The following WEE2 variants were observed in gnomAD, a reference collection of about 807,000 sequenced individuals.
The protein encoded by WEE2 is WEE2 oocyte meiosis inhibiting kinase, also known as wee1-like protein kinase 2.
A neutral mutation model predicts 60.1 loss-of-function variants in WEE2; 50 were observed. The ratio of observed to expected loss-of-function variants is 0.83; its 90% CI spans 0.66 to 1.05. The LOEUF is 1.05. Among genes scored for constraint, WEE2 ranks in the 50% least tolerant of loss-of-function variants. The pLI, the probability that WEE2 is intolerant of heterozygous loss-of-function variation, is 0.00. For synonymous variants in WEE2, 240 were observed against 241.0 expected (o/e 1.00, Z 0.04); for missense variants, 631 against 684.3 (o/e 0.92, Z 0.87).
Position 141,729,545 on chromosome 7 carries a change from C to T in WEE2, c.1550C>T (p.Ala517Val). 4 of 1,614,190 alleles carry T rather than the reference C, an allele frequency of 2.5e-6. No homozygotes were observed. The highest frequency in any genetic ancestry group is 3.4e-6 in the Non-Finnish European group (4 of 1,180,036). Reference protein sequence around the residue: ...TATLERELREAQQAQSPQGYT... With the variant: ...TATLERELREVQQAQSPQGYT... ...TCGCACTTCAGGGAACTGAGAGAAG[C>T]CCAGCAGGCCCAGTCACCCCAGGGA... The change falls in exon 11 of 12, where the codon GCC becomes GTC. Residue 517 changes from alanine to valine, a missense_variant. Coordinates refer to ENST00000397541, the MANE Select transcript of WEE2 (RefSeq NM_001105558.1).
intron 8 of WEE2, among the ~76,000 whole-genome samples, chr7:141,724,718 G>GT (rs1798979870): frequency 6.6e-6 from 1 of 152,134 alleles, no homozygotes; most frequent in African/African-American, 2.4e-5. Flanking sequence ...TTCTTCCTGG[G>GT]TGATAATCAA....
In WEE2 at chr7:141,727,355, A is replaced by G. The variant is rs1414839410; in HGVS notation, c.1444A>G (p.Arg482Gly). ...EQRPSAAALA[R>G]NTVLRPSLGK... ...GAGACCTTCTGCAGCAGCTCTGGCC[A>G]GAAATACAGTTCTCCGGCCTTCCCT... Residue 482 changes from arginine (R) to glycine (G), a missense_variant, in exon 10 of 12, where the codon AGA becomes GGA. Coordinates refer to ENST00000397541, the MANE Select transcript of WEE2 (RefSeq NM_001105558.1). 6.2e-7 allele frequency: 1 copy of G among 1,614,192 alleles called. No individual in the cohort carries two copies. The highest frequency in any genetic ancestry group is 8.5e-7 in the Non-Finnish European group (1 of 1,180,030).
At chr7:141,709,247 A>C in intron 1 of WEE2, 147 bp downstream of exon 1, 2 of 641,926 alleles carry the variant, frequency 3.1e-6, no homozygotes, top group Non-Finnish European at 5.2e-6. Flanking sequence ...GAAAATGAAG[A>C]AATTAAAATT....
intron 11 of WEE2, among the ~76,000 whole-genome samples, chr7:141,729,911 C>T (rs1584749230): frequency 6.6e-6 from 1 of 151,528 alleles, no homozygotes; most frequent in East Asian, 1.9e-4. Context: ...TCGCTTGAAC[C>T]CGGGAGGTGG....
chr7:141,725,130 T>C lies in WEE2; in HGVS notation c.1326T>C (p.His442=). The change falls in exon 9 of 12, where the codon CAT becomes CAC. Residue 442 remains histidine, a synonymous_variant. Transcript: ENST00000397541. ...SLPTNGAAWH[H]IRKGNFPDVP... ...CCACCAATGGTGCTGCATGGCACCA[T>C]ATCCGCAAGGGTAACTTTCCGGACG... is the stretch of plus-strand genomic sequence containing the variant. The C allele has an allele frequency of 6.2e-7, 1 of 1,614,200 alleles. No individual in the cohort carries two copies. The highest frequency in any genetic ancestry group is 8.5e-7 in the Non-Finnish European group (1 of 1,180,028).
chr7:141,709,885 T>C (rs895040889), intron 1 of WEE2, among the ~76,000 whole-genome samples: 1 of 152,128 alleles, frequency 6.6e-6, no homozygotes, highest in African/African-American at 2.4e-5. Context: ...GGTGCCATGG[T>C]GTGTGAGTCC....
rs149768939 is a variant in WEE2, at chr7:141,727,465, G to C, written c.1535+19G>C. 2.6e-4 allele frequency: 412 copies of C among 1,613,328 alleles called. No homozygotes were observed. The African/African-American group carries it at 4.7e-3, about 18-fold the overall frequency. On this transcript the variant is annotated intron_variant, in intron 10 of 11. Coordinates refer to ENST00000397541, the MANE Select transcript of WEE2 (RefSeq NM_001105558.1). ...TGGAAAGGTATATTTTTGGATGATG[G>C]GGGGTCAAGAAAGAATCTGAGCACT...
At chr7:141,725,619 C>T (rs1403244251) in intron 9 of WEE2, among the ~76,000 whole-genome samples, 8 of 112,214 alleles carry the variant, frequency 7.1e-5, no homozygotes, top group Non-Finnish European at 1.4e-4. Context: ...AGCGAGACTC[C>T]GTCTCAAAAA....
In WEE2 at chr7:141,728,772, C is replaced by T. The variant is rs1478429898; in HGVS notation, c.1536-759C>T. Among the ~76,000 whole-genome samples, 7 of 152,280 alleles carry T rather than the reference C, an allele frequency of 4.6e-5. No individual in the cohort carries two copies. The East Asian group carries it at 1.2e-3, about 25-fold the overall frequency. On this transcript the variant is annotated intron_variant, in intron 10 of 11. Transcript: ENST00000397541. ...TGAGCAGTGGGTGAGTGAGCACTAC[C>T]GCCTGAGTTCTGCCTCCCATCAGAT...
chr7:141,725,180 T>G lies in WEE2; in HGVS notation c.1376T>G (p.Phe459Cys). The part of the protein sequence containing the change: ...PDVPQELSES[F>C]SSLLKNMIQP... ...GTTCCTCAGGAGCTCTCAGAAAGCT[T>G]TTCCAGTCTGCTCAAGGTGATAGCT... The change falls in exon 9 of 12, where the codon TTT (phenylalanine) becomes TGT (cysteine). Residue 459 changes from phenylalanine to cysteine, a missense_variant. By Grantham distance (205) the Phe-to-Cys change is radical (BLOSUM62 -2). Transcript: ENST00000397541. The G allele has an allele frequency of 6.2e-7, 1 of 1,613,994 alleles. No individual in the cohort carries two copies. The highest frequency in any genetic ancestry group is 8.5e-7 in the Non-Finnish European group (1 of 1,179,906).
intron 10 of WEE2, 118 bp downstream of exon 10, chr7:141,727,564 C>A: frequency 7.6e-7 from 1 of 1,309,774 alleles, no homozygotes; most frequent in Non-Finnish European, 1.0e-6. Flanking sequence ...CATTATAATA[C>A]ATAGGTCCCT....
Position 141,709,062 on chromosome 7 carries a change from A to G in WEE2, c.304A>G (p.Ser102Gly). Residue 102 changes from serine to glycine, a missense_variant, in exon 1 of 12, where the codon AGC (serine) becomes GGC (glycine). Physicochemically the swap from Ser to Gly is moderately conservative, Grantham distance 56. Transcript: ENST00000397541. ...PETPAQPDSR[S>G]KLLPSDSPST... ...GACACCAGCCCAACCAGACAGCAGG[A>G]GCAAGCTGCTGCCCAGTGACAGCCC... The G allele has an allele frequency of 6.2e-7, 1 of 1,614,084 alleles. No individual in the cohort carries two copies. The highest frequency in any genetic ancestry group is 8.5e-7 in the Non-Finnish European group (1 of 1,179,942).
At position 141,720,955 on chromosome 7, in the gene WEE2, T is replaced by G; in HGVS notation, c.779T>G (p.Val260Gly). ...CATAGGAATTCGGCTTTGCATGAAG[T>G]TTATGCTCACGCAGTGCTTGGGCAT... ...LSNENSALHE[V>G]YAHAVLGHHP... The change falls in exon 5 of 12, where the codon GTT (valine) becomes GGT (glycine). Residue 260 changes from valine (V) to glycine (G), a missense_variant. Val to Gly is a moderately radical substitution (Grantham distance 109, BLOSUM62 -3). Coordinates refer to ENST00000397541, the MANE Select transcript of WEE2 (RefSeq NM_001105558.1). 1.2e-6 allele frequency: 2 copies of G among 1,613,756 alleles called. No individual in the cohort carries two copies. The highest frequency in any genetic ancestry group is 1.7e-6 in the Non-Finnish European group (2 of 1,179,632).
intron 4 of WEE2, among the ~76,000 whole-genome samples, chr7:141,719,690 C>T (rs1937106183): frequency 6.6e-6 from 1 of 152,176 alleles, no homozygotes; most frequent in East Asian, 1.9e-4. Flanking sequence ...ACCTTGTGAT[C>T]TGCCTGCCGT....
At chr7:141,726,033 CATA>C (rs1251432284) in intron 9 of WEE2, among the ~76,000 whole-genome samples, 1 of 152,084 alleles carries the variant, frequency 6.6e-6, no homozygotes, top group East Asian at 1.9e-4. Context: ...AGAAAAAAGG[CATA>C]ATGTCAATTC....
At chr7:141,710,402 G>A (rs997603361) in intron 1 of WEE2, among the ~76,000 whole-genome samples, 1 of 152,166 alleles carries the variant, frequency 6.6e-6, no homozygotes, top group Non-Finnish European at 1.5e-5. Context: ...AGTACACAGA[G>A]AAGAAAACAT....
rs1174237311 is a variant in WEE2 at position 141,711,230 on chromosome 7, T to C, written c.342+2130T>C. Among the ~76,000 whole-genome samples the C allele has an allele frequency of 5.9e-5, 9 of 152,170 alleles. No individual in the cohort carries two copies. The highest frequency in any genetic ancestry group is 1.3e-4 in the Non-Finnish European group (9 of 68,040). ...AAAATTGGAAATCCGTATTTGGATATCTACAGCATTTAGGAAGTAGTTGAG... is the reference window on the plus strand; with the variant it reads ...AAAATTGGAAATCCGTATTTGGATACCTACAGCATTTAGGAAGTAGTTGAG... On this transcript the variant is annotated intron_variant, in intron 1 of 11. Transcript: ENST00000397541. The surrounding 1 kb of genome is among the most constrained non-coding windows in gnomAD (Gnocchi z 4.2).
chr7:141,721,257 C>G (rs1798904313), intron 5 of WEE2, among the ~76,000 whole-genome samples: 1 of 152,148 alleles, frequency 6.6e-6, no homozygotes, highest in South Asian at 2.1e-4. Context: ...CTTTCTTTCC[C>G]TTCTGTTGTC....
At chr7:141,716,156 C>T in intron 2 of WEE2, 66 bp from the exon 3 acceptor site, 4 of 1,358,598 alleles carry the variant, frequency 2.9e-6, no homozygotes, top group East Asian at 2.5e-5. Context: ...ATCCCTAGAA[C>T]CTAGCATAGT....
Sources: gnomAD v4.1 joint callset for allele counts (sites outside exome capture counted in the v4.1 genomes callset) on GRCh38, gnomAD v4.1.1 for gene constraint, Gnocchi (gnomAD v3.1) non-coding constraint, MANE v1.5 for transcripts, NCBI Gene and HGNC (gene_info 2026-07-23, HGNC 2026-07-21) for gene names.